The following ZNF18 variants were observed in gnomAD, a reference collection of about 807,000 sequenced individuals.
ZNF18 encodes the protein heart development-specific gene 1 protein.
In ZNF18, 42 loss-of-function variants were observed where a neutral mutation model predicts 58.1. The ratio of observed to expected loss-of-function variants is 0.72; its 90% CI spans 0.56 to 0.93. The LOEUF (loss-of-function observed/expected upper bound fraction) is 0.93, where lower values mean the gene tolerates loss of function less well. Ranked by LOEUF, ZNF18 falls within the 40% of genes least tolerant of loss-of-function variation. ZNF18 has a pLI of 0.00. For synonymous variants in ZNF18, 231 were observed against 239.8 expected, an observed-to-expected ratio of 0.96 and a Z score of 0.34; for missense variants, 540 against 644.2, an observed-to-expected ratio of 0.84 and a Z score of 1.75.
chr17:12,003,436 T>C, the ZNF18 span, among the ~76,000 whole-genome samples: 9 of 142,450 alleles, frequency 6.3e-5, no homozygotes, highest in Non-Finnish European at 1.4e-4. Context: ...TGAGACTCTG[T>C]CTCAAAAAAA....
At chr17:12,004,947 T>TGG in the ZNF18 span, among the ~76,000 whole-genome samples, 1 of 150,130 alleles carries the variant, frequency 6.7e-6, no homozygotes, top group Non-Finnish European at 1.5e-5. Flanking sequence ...CTATACTGAA[T>TGG]GGCACCTTAA....
At chr17:11,992,071 G>C (rs1968164102) in intron 2 of ZNF18, among the ~76,000 whole-genome samples, 1 of 152,178 alleles carries the variant, frequency 6.6e-6, no homozygotes, top group Non-Finnish European at 1.5e-5. Flanking sequence ...TTTAGAGTAA[G>C]TCAGTAACAG....
chr17:12,001,076 C>A (rs1968647640), upstream of ZNF18, among the ~76,000 whole-genome samples: 1 of 152,128 alleles, frequency 6.6e-6, no homozygotes, highest in Non-Finnish European at 1.5e-5. Flanking sequence ...GAAAAATGTT[C>A]TTGAGTAGAG....
At chr17:12,010,076 A>G in the ZNF18 span, among the ~76,000 whole-genome samples, 1 of 152,182 alleles carries the variant, frequency 6.6e-6, no homozygotes. Flanking sequence ...TCGAGAATAG[A>G]TTAGAATAGA....
At chr17:11,993,159 C>A (rs1968243549) in intron 1 of ZNF18, among the ~76,000 whole-genome samples, 1 of 152,156 alleles carries the variant, frequency 6.6e-6, no homozygotes, top group Non-Finnish European at 1.5e-5. Flanking sequence ...CTTCAAATGT[C>A]CAGACAAAAT....
Position 11,977,681 on chromosome 17 carries a change from A to G in ZNF18, c.*276T>C. The G allele has an allele frequency of 2.9e-6, 1 of 339,314 alleles. No individual in the cohort carries two copies. Among genetic ancestry groups the G allele is most frequent in the Non-Finnish European group, 5.3e-6 (1 of 188,540 alleles). 21.0% of individuals were successfully genotyped at this position (339,314 alleles called of 1,614,324 possible). A position where few individuals can be genotyped will look rare whatever the true frequency, so the allele number is the denominator to read the frequency against. ...AAGCACTTCTAAAACTGGATCTCCA[A>G]TTTAGACTTTTTCCCCGATGGGTCC... On this transcript the variant is annotated 3_prime_UTR_variant, in exon 7 of 7. Coordinates refer to ENST00000580306, the MANE Select transcript of ZNF18 (RefSeq NM_001303281.2).
At chr17:12,021,298 C>G in the ZNF18 span, 3 of 203,408 alleles carry the variant, frequency 1.5e-5, no homozygotes, top group African/African-American at 2.3e-5. Flanking sequence ...CCCCCGCGGC[C>G]GTCCCCATCG....
At chr17:11,986,300 G>A (rs1967739563) in intron 4 of ZNF18, among the ~76,000 whole-genome samples, 2 of 152,198 alleles carry the variant, frequency 1.3e-5, no homozygotes, top group Admixed American at 6.5e-5. Context: ...TCTCAGGTAT[G>A]TCTTTATCAG....
At chr17:11,996,628 T>C (rs1007358493) in intron 1 of ZNF18, among the ~76,000 whole-genome samples, 3 of 152,222 alleles carry the variant, frequency 2.0e-5, no homozygotes, top group Non-Finnish European at 2.9e-5. Flanking sequence ...AATAAGGTTG[T>C]CTGTTATACC....
At chr17:12,008,836 T>A in the ZNF18 span, among the ~76,000 whole-genome samples, 1 of 152,212 alleles carries the variant, frequency 6.6e-6, no homozygotes, top group Admixed American at 6.5e-5. Context: ...ATCCTTATTA[T>A]TCAGGGAACT....
upstream of ZNF18, chr17:11,997,607 A>C (rs916401623): frequency 1.3e-5 from 2 of 152,298 alleles, no homozygotes; most frequent in Admixed American, 1.3e-4. Context: ...GTTGCAGCCC[A>C]GGAGCCTCCA....
At chr17:12,001,334 T>C (rs78254609), upstream of ZNF18, among the ~76,000 whole-genome samples, 20,236 of 152,136 alleles carry the variant, frequency 0.13, 1,455 homozygotes, top group African/African-American at 0.15. Flanking sequence ...TAGTTAATAA[T>C]AATGCATACC....
chr17:11,984,217 A>AG lies in ZNF18; in HGVS notation c.667-21dup, dbSNP rs745375123. The AG allele has an allele frequency of 1.0e-5, 14 of 1,388,220 alleles. No homozygotes were observed. Among genetic ancestry groups the AG allele is most frequent in the South Asian group, 3.7e-5 (3 of 81,264 alleles). The allele number at this position is 1,388,220 out of a possible 1,614,324, so 86.0% of individuals were successfully genotyped here. ...CTGTTCCTGGAAAAAAAAAAAAAAA[A>AG]GCAATACAATACCATGACTCCAATG... On this transcript the variant is annotated intron_variant, in intron 4 of 6. Transcript: ENST00000580306.
chr17:11,981,273 C>T (rs1299789048), intron 6 of ZNF18, among the ~76,000 whole-genome samples: 4 of 152,044 alleles, frequency 2.6e-5, no homozygotes, highest in Admixed American at 6.6e-5. Flanking sequence ...CTGTCCTACA[C>T]GTTGCTGCCG....
chr17:11,985,327 G>A (rs954918997), intron 4 of ZNF18, among the ~76,000 whole-genome samples: 3 of 152,112 alleles, frequency 2.0e-5, no homozygotes, highest in African/African-American at 7.2e-5. Flanking sequence ...GGGATTAGCA[G>A]CCCATTTTTT....
chr17:12,016,021 C>G, the ZNF18 span, among the ~76,000 whole-genome samples: 1 of 152,162 alleles, frequency 6.6e-6, no homozygotes, highest in Non-Finnish European at 1.5e-5. Flanking sequence ...AAACACCTGA[C>G]CTCAAGTAAT....
At chr17:12,003,519 C>T in the ZNF18 span, among the ~76,000 whole-genome samples, 1 of 151,526 alleles carries the variant, frequency 6.6e-6, no homozygotes, top group Non-Finnish European at 1.5e-5. Context: ...ACAAGTGACA[C>T]ACAGGGCCAG....
upstream of ZNF18, chr17:12,002,402 A>T (rs1188265419): frequency 2.0e-5 from 3 of 152,186 alleles, no homozygotes; most frequent in East Asian, 5.8e-4. Flanking sequence ...GTCTCAAAAA[A>T]ATATATAAAA....
the ZNF18 span, among the ~76,000 whole-genome samples, chr17:12,020,170 T>C: frequency 6.6e-6 from 1 of 152,102 alleles, no homozygotes; most frequent in Admixed American, 6.5e-5. Context: ...TAGGGGAAGA[T>C]GGTGATGTAG....
Sources: allele counts gnomAD v4.1 joint callset (sites outside exome capture counted in the v4.1 genomes callset), GRCh38; gene constraint gnomAD v4.1.1; transcripts MANE v1.5; gene names NCBI Gene and HGNC (gene_info 2026-07-23, HGNC 2026-07-21).